The following CPA6 variants were observed in gnomAD, a reference collection of about 807,000 sequenced individuals.
CPA6 encodes the protein carboxypeptidase B.
A neutral mutation model predicts 63.3 loss-of-function variants in CPA6; 58 were observed. That is an observed-to-expected ratio of 0.92 (90% CI 0.74 to 1.14). CPA6 has a LOEUF of 1.14. Among genes scored for constraint, CPA6 ranks in the 50% most tolerant of loss-of-function variants. The pLI is 0.00. For missense variants in CPA6, 565 were observed against 526.6 expected (o/e 1.07, Z -0.71); for synonymous variants, 185 against 179.0 (o/e 1.03, Z -0.27).
chr8:67,650,767 G>C (rs755210399), intron 1 of CPA6, among the ~76,000 whole-genome samples: 66 of 152,216 alleles, frequency 4.3e-4, no homozygotes, highest in African/African-American at 1.5e-3. Context: ...GATCCCACAC[G>C]CACTTGCCTA....
At chr8:67,662,101 G>C (rs1816122818) in intron 1 of CPA6, among the ~76,000 whole-genome samples, 1 of 152,128 alleles carries the variant, frequency 6.6e-6, no homozygotes, top group African/African-American at 2.4e-5. Context: ...TTCTGGGGGA[G>C]GCAGGTAGTT....
chr8:67,544,016 G>A (rs1008442384), intron 2 of CPA6, among the ~76,000 whole-genome samples: 51 of 151,978 alleles, frequency 3.4e-4, no homozygotes, highest in African/African-American at 1.2e-3. Context: ...TCGAACTCCT[G>A]GTCTCAAGTG....
chr8:67,477,979 G>T (rs1811279618), intron 8 of CPA6, among the ~76,000 whole-genome samples: 1 of 152,184 alleles, frequency 6.6e-6, no homozygotes, highest in African/African-American at 2.4e-5. Context: ...AAGTGTCTTT[G>T]TATGCTAATA....
chr8:67,656,363 C>G (rs1310504419), intron 1 of CPA6, among the ~76,000 whole-genome samples: 2 of 152,166 alleles, frequency 1.3e-5, no homozygotes, highest in East Asian at 3.9e-4. Flanking sequence ...GTATCCCATT[C>G]TACTCTCTTC....
chr8:67,581,836 A>G (rs1813780964), intron 2 of CPA6, among the ~76,000 whole-genome samples: 1 of 152,210 alleles, frequency 6.6e-6, no homozygotes, highest in Non-Finnish European at 1.5e-5. Flanking sequence ...AATGGAGAAC[A>G]TAAGGGCCAG....
At chr8:67,651,116 A>C (rs1018947086) in intron 1 of CPA6, among the ~76,000 whole-genome samples, 48 of 152,190 alleles carry the variant, frequency 3.2e-4, no homozygotes, top group Admixed American at 3.1e-3. Flanking sequence ...TCTCCCCATA[A>C]GGAATTTACA....
rs1563372142 is a variant in CPA6, at chr8:67,637,981, T to TGTGTGTGTG, written c.117-13731_117-13730insCACACACAC. Reference sequence around the variant, plus strand: ...AAAGCCCTTAGTAATGCTAGAAATTTTGTGTGTGTGTGTGTGTGTGTGTGT... The same window carrying TGTGTGTGTG: ...AAAGCCCTTAGTAATGCTAGAAATTTGTGTGTGTGTGTGTGTGTGTGTGTGTGTGTGTGT... On this transcript the variant is annotated intron_variant, in intron 1 of 10. Transcript: ENST00000297770. Among the ~76,000 whole-genome samples, 710 of 146,666 alleles carry TGTGTGTGTG rather than the reference T, an allele frequency of 4.8e-3. 10 individuals carry two copies. Among genetic ancestry groups the TGTGTGTGTG allele is most frequent in the East Asian group, 8.0e-3 (40 of 5,022 alleles).
In CPA6 at chr8:67,741,152, G is replaced by T. The variant is rs149722482; in HGVS notation, c.116+4862C>A. On this transcript the variant is annotated intron_variant, in intron 1 of 10. Coordinates refer to ENST00000297770, the MANE Select transcript of CPA6 (RefSeq NM_020361.5). ...AAGAAACTGTCCCAAGACGTGAGAG[G>T]CATCTTCAATAAATGCAGGGCTGTC... Among the ~76,000 whole-genome samples, 659 of 152,196 alleles carry T rather than the reference G, an allele frequency of 4.3e-3. 4 individuals are homozygous for T. Among genetic ancestry groups the T allele is most frequent in the African/African-American group, 0.015 (631 of 41,536 alleles).
At chr8:67,476,554 T>TC (rs1491317939) in intron 8 of CPA6, among the ~76,000 whole-genome samples, 28 of 46,750 alleles carry the variant, frequency 6.0e-4, no homozygotes, top group East Asian at 4.2e-3. Context: ...TCTCTCTCTC[T>TC]TTTTTTTTTT....
chr8:67,741,564 C>T (rs1817913044), intron 1 of CPA6, among the ~76,000 whole-genome samples: 1 of 152,202 alleles, frequency 6.6e-6, no homozygotes, highest in Non-Finnish European at 1.5e-5. Context: ...CCATTGCTTG[C>T]ATTTCTGCCT....
chr8:67,447,016 A>T (rs1311043725), intron 8 of CPA6, among the ~76,000 whole-genome samples: 1 of 87,138 alleles, frequency 1.1e-5, no homozygotes, highest in African/African-American at 6.5e-5. Flanking sequence ...ATATATATAC[A>T]CACACACATA....
intron 2 of CPA6, among the ~76,000 whole-genome samples, chr8:67,556,704 G>A (rs1813069243): frequency 1.3e-5 from 2 of 152,206 alleles, no homozygotes; most frequent in East Asian, 1.9e-4. Context: ...TTAGAGCTCG[G>A]CTCCCAAACC....
chr8:67,507,466 C>T (rs1282662139), intron 5 of CPA6, among the ~76,000 whole-genome samples: 1 of 151,896 alleles, frequency 6.6e-6, no homozygotes, highest in East Asian at 1.9e-4. Context: ...CTTTACAATC[C>T]TACCATATCA....
intron 2 of CPA6, among the ~76,000 whole-genome samples, chr8:67,614,952 G>A (rs1814907278): frequency 6.6e-6 from 1 of 152,180 alleles, no homozygotes; most frequent in Non-Finnish European, 1.5e-5. Context: ...CATGCTAACT[G>A]CTTTCCCTAT....
At chr8:67,687,255 C>T (rs534174918) in intron 1 of CPA6, among the ~76,000 whole-genome samples, 1 of 152,326 alleles carries the variant, frequency 6.6e-6, no homozygotes, top group African/African-American at 2.4e-5. Context: ...GGCCTCAGTC[C>T]TGAGCCTTGA....
rs552192271 is a variant in CPA6 at position 67,719,434 on chromosome 8, GA to G, written c.116+26579del. ...TGATCAGAACAGAATTTATTTCGGG[GA>G]AAAAAAAATTAAAGGGGAAAGGCAA... On this transcript the variant is annotated intron_variant, in intron 1 of 10. Transcript: ENST00000297770. Among the ~76,000 whole-genome samples, 896 of 151,400 alleles carry G rather than the reference GA, an allele frequency of 5.9e-3. 11 individuals are homozygous for G. Among genetic ancestry groups the G allele is most frequent in the African/African-American group, 0.02 (837 of 41,280 alleles).
intron 8 of CPA6, among the ~76,000 whole-genome samples, chr8:67,465,674 A>C (rs1179281380): frequency 2.0e-5 from 3 of 151,896 alleles, no homozygotes; most frequent in Non-Finnish European, 4.4e-5. Context: ...TCATGAGGGG[A>C]TGCTGGATTT....
At chr8:67,615,894 A>C (rs1202221325) in intron 2 of CPA6, among the ~76,000 whole-genome samples, 1 of 152,246 alleles carries the variant, frequency 6.6e-6, no homozygotes, top group Non-Finnish European at 1.5e-5. Context: ...AGAGGAGAGC[A>C]TTCCAGACAA....
chr8:67,601,338 A>T (rs1814492298), intron 2 of CPA6, among the ~76,000 whole-genome samples: 1 of 152,176 alleles, frequency 6.6e-6, no homozygotes, highest in South Asian at 2.1e-4. Flanking sequence ...GAAAATACTT[A>T]TTTTCAAACT....
Sources: allele counts gnomAD v4.1 joint callset (sites outside exome capture counted in the v4.1 genomes callset), GRCh38; gene constraint gnomAD v4.1.1; transcripts MANE v1.5; gene names NCBI Gene and HGNC (gene_info 2026-07-23, HGNC 2026-07-21).